The following UNC13C variants were observed in gnomAD, a reference collection of about 807,000 sequenced individuals.
UNC13C encodes unc-13 homolog C.
A neutral mutation model predicts 245.4 loss-of-function variants in UNC13C; 174 were observed. The ratio of observed to expected loss-of-function variants is 0.71; its 90% CI spans 0.63 to 0.80. The LOEUF is 0.80. Ranked by LOEUF, UNC13C falls within the 30% of genes least tolerant of loss-of-function variation. The pLI, the probability that UNC13C is intolerant of heterozygous loss-of-function variation, is 0.00. For synonymous variants in UNC13C, 992 were observed against 895.1 expected, an observed-to-expected ratio of 1.11 and a Z score of -1.93; for missense variants, 2,829 against 2,602.9, an observed-to-expected ratio of 1.09 and a Z score of -1.89.
intron 25 of UNC13C, among the ~76,000 whole-genome samples, chr15:54,531,960 T>C (rs939296635): frequency 6.6e-6 from 1 of 152,220 alleles, no homozygotes; most frequent in African/African-American, 2.4e-5. Context: ...CTTCTTTACT[T>C]AACACAATGC....
At chr15:53,849,647 G>A in the UNC13C span, among the ~76,000 whole-genome samples, 1 of 151,772 alleles carries the variant, frequency 6.6e-6, no homozygotes, top group African/African-American at 2.4e-5. Context: ...CTTATTGCAT[G>A]TTTTCATTTT....
chr15:53,930,008 C>A, the UNC13C span, among the ~76,000 whole-genome samples: 78 of 152,264 alleles, frequency 5.1e-4, 1 homozygote, highest in East Asian at 0.011. Context: ...TATCTGTCAC[C>A]ATTCTGTGCA....
chr15:54,372,249 TA>T (rs1389057835), intron 17 of UNC13C, among the ~76,000 whole-genome samples: 2 of 152,064 alleles, frequency 1.3e-5, no homozygotes, highest in African/African-American at 4.8e-5. Context: ...AGTATAAAAT[TA>T]AAAAATATAG....
chr15:54,549,729 A>G (rs1175947943), intron 28 of UNC13C, 38 bp downstream of exon 28: 3 of 1,416,804 alleles, frequency 2.1e-6, no homozygotes, highest in Non-Finnish European at 2.9e-6. Flanking sequence ...CATGGAAAGT[A>G]GTGAGTTAAC....
intron 8 of UNC13C, among the ~76,000 whole-genome samples, chr15:54,262,837 G>A (rs931021400): frequency 7.2e-5 from 11 of 152,132 alleles, no homozygotes; most frequent in African/African-American, 2.4e-4. Flanking sequence ...TAGGAAACAG[G>A]TATTACACTT....
the UNC13C span, among the ~76,000 whole-genome samples, chr15:53,906,058 G>A: frequency 6.6e-5 from 10 of 152,120 alleles, no homozygotes; most frequent in Non-Finnish European, 1.5e-4. Context: ...AATAGGCTTG[G>A]CACAGTGGCT....
intron 4 of UNC13C, among the ~76,000 whole-genome samples, chr15:54,167,796 T>C (rs958882552): frequency 4.6e-5 from 7 of 151,682 alleles, no homozygotes; most frequent in Non-Finnish European, 8.8e-5. Flanking sequence ...AGTTAAACAA[T>C]CCAATAAATT....
Position 54,508,027 on chromosome 15 carries a change from A to G in UNC13C, c.5379+833A>G, listed in dbSNP as rs569929009. On this transcript the variant is annotated intron_variant, in intron 23 of 32. Coordinates refer to ENST00000260323, the MANE Select transcript of UNC13C (RefSeq NM_001080534.3). The stretch of plus-strand genomic sequence containing the variant: ...GACCTCTTGCTGACAGCTCATTAAG[A>G]TAAGTCAGTCCTAATGGTTCTTGAG... 5.3e-5 allele frequency among the ~76,000 whole-genome samples: 8 copies of G among 152,182 alleles called. No individual in the cohort carries two copies. The South Asian group carries it at 1.7e-3, about 32-fold the overall frequency.
chr15:54,094,225 C>T lies in UNC13C; in HGVS notation c.2984-48793C>T, dbSNP rs577905822. Among the ~76,000 whole-genome samples the T allele has an allele frequency of 3.9e-5, 6 of 152,292 alleles. No individual in the cohort carries two copies. In the South Asian group the frequency reaches 1.2e-3, roughly 32 times the overall value. On this transcript the variant is annotated intron_variant, in intron 2 of 32. Coordinates refer to ENST00000260323, the MANE Select transcript of UNC13C (RefSeq NM_001080534.3). ...TCTGAGACGTCTCCGCTAAACTTTC[C>T]TTCCGTGTGTCCTTCACCCAGGGTA... is the stretch of plus-strand genomic sequence containing the variant.
At chr15:54,044,069 T>C (rs991034433) in intron 2 of UNC13C, among the ~76,000 whole-genome samples, 2 of 152,208 alleles carry the variant, frequency 1.3e-5, no homozygotes, top group Admixed American at 6.5e-5. Flanking sequence ...TTTATTGTCG[T>C]CACTCTCTTT....
intron 24 of UNC13C, among the ~76,000 whole-genome samples, chr15:54,524,432 T>C (rs1280126024): frequency 6.6e-6 from 1 of 152,210 alleles, no homozygotes; most frequent in Non-Finnish European, 1.5e-5. Context: ...AAAACTGATA[T>C]AAAGGATTGG....
At chr15:53,896,836 C>G in the UNC13C span, among the ~76,000 whole-genome samples, 6 of 152,108 alleles carry the variant, frequency 3.9e-5, no homozygotes, top group African/African-American at 1.4e-4. Context: ...AAACCACACC[C>G]TAAGGTGAAT....
rs139772415 is a variant in UNC13C, at chr15:54,569,729, G to A, written c.6106+1782G>A. Among the ~76,000 whole-genome samples, 1,047 of 152,012 alleles carry A rather than the reference G, an allele frequency of 6.9e-3. 16 individuals carry two copies. Among genetic ancestry groups the A allele is most frequent in the African/African-American group, 0.024 (1,013 of 41,446 alleles). Reference sequence around the variant, plus strand: ...GGATTCTTAATTCTAATAACTCACTGACAATATAATTGGTTTTACTCTTAG... The same window carrying A: ...GGATTCTTAATTCTAATAACTCACTAACAATATAATTGGTTTTACTCTTAG... On this transcript the variant is annotated intron_variant, in intron 30 of 32. Coordinates refer to ENST00000260323, the MANE Select transcript of UNC13C (RefSeq NM_001080534.3).
chr15:54,035,792 C>A (rs1896554904), intron 2 of UNC13C, among the ~76,000 whole-genome samples: 2 of 151,944 alleles, frequency 1.3e-5, no homozygotes, highest in South Asian at 2.1e-4. Flanking sequence ...GAGTCTGGGG[C>A]AAAATTCCAA....
chr15:54,104,132 C>T (rs1482730544), intron 2 of UNC13C, among the ~76,000 whole-genome samples: 1 of 152,334 alleles, frequency 6.6e-6, no homozygotes, highest in East Asian at 1.9e-4. Context: ...ATGTTTGGAC[C>T]CATTGCTCTG....
intron 30 of UNC13C, 101 bp downstream of exon 30, chr15:54,568,048 T>G (rs1897594377): frequency 1.1e-6 from 1 of 880,286 alleles, no homozygotes; most frequent in South Asian, 4.2e-5. Context: ...TTTGCTGTTG[T>G]GAATTGAAGT....
intron 2 of UNC13C, among the ~76,000 whole-genome samples, chr15:54,130,437 C>A (rs1595890202): frequency 1.3e-5 from 2 of 151,646 alleles, no homozygotes. Context: ...GGACTACAGG[C>A]GCCTGCCAAC....
the UNC13C span, among the ~76,000 whole-genome samples, chr15:53,887,387 A>T: frequency 6.6e-6 from 1 of 152,186 alleles, no homozygotes; most frequent in Non-Finnish European, 1.5e-5. Flanking sequence ...AACAAAGTAT[A>T]TTAGGGGTAA....
the UNC13C span, among the ~76,000 whole-genome samples, chr15:53,851,227 T>G: frequency 2.0e-5 from 3 of 152,126 alleles, no homozygotes; most frequent in Non-Finnish European, 2.9e-5. Context: ...CTTTATCCAG[T>G]TATTTTAAAT....
Sources: gnomAD v4.1 joint callset for allele counts (sites outside exome capture counted in the v4.1 genomes callset) on GRCh38, gnomAD v4.1.1 for gene constraint, MANE v1.5 for transcripts, NCBI Gene and HGNC (gene_info 2026-07-23, HGNC 2026-07-21) for gene names.